SIPA1L2: variants seen among roughly 807,000 people sequenced by gnomAD.
SIPA1L2 encodes the protein signal-induced proliferation-associated 1-like protein 2.
In SIPA1L2, 56 loss-of-function variants were observed where a neutral mutation model predicts 163.9. The ratio of observed to expected loss-of-function variants is 0.34; its 90% CI spans 0.28 to 0.43. The LOEUF (loss-of-function observed/expected upper bound fraction) is 0.43, where lower values mean the gene tolerates loss of function less well. Ranked by LOEUF, SIPA1L2 falls within the 20% of genes least tolerant of loss-of-function variation. SIPA1L2 has a pLI of 1.00. For missense variants in SIPA1L2, 1,974 were observed against 2,193.5 expected (o/e 0.90, Z 2.00); for synonymous variants, 877 against 865.7 (o/e 1.01, Z -0.23).
At chr1:232,621,745 T>C (rs1558310493) in intron 1 of SIPA1L2, among the ~76,000 whole-genome samples, 1 of 152,166 alleles carries the variant, frequency 6.6e-6, no homozygotes, top group Non-Finnish European at 1.5e-5. Flanking sequence ...CATTTTTTTT[T>C]TTTTGTGACA....
At chr1:232,476,966 C>G (rs906453130) in intron 7 of SIPA1L2, among the ~76,000 whole-genome samples, 1 of 152,104 alleles carries the variant, frequency 6.6e-6, no homozygotes, top group Non-Finnish European at 1.5e-5. Context: ...ACTCATGAAC[C>G]CAGCTGGTCA....
chr1:232,439,116 A>G lies in SIPA1L2; in HGVS notation c.4023T>C (p.Ser1341=), dbSNP rs773856688. 5 of 1,603,768 alleles carry G rather than the reference A, an allele frequency of 3.1e-6. No homozygotes were observed. The South Asian group carries it at 5.5e-5, about 18-fold the overall frequency. ...AGTGCTGTGGGGCTTACCTGGAATG[A>G]GAGGATATCTCACTGAGATCGCCCA... is the stretch of plus-strand genomic sequence containing the variant. The part of the protein sequence containing the change: ...GSMGDLSEIS[S]HSSGSHHSGS... The change falls in exon 15 of 23, where the codon TCT becomes TCC. Residue 1341 remains serine (S), a synonymous_variant. Transcript: ENST00000674635.
At chr1:232,590,305 AAAAGG>A (rs1262058416) in intron 1 of SIPA1L2, among the ~76,000 whole-genome samples, 1 of 152,222 alleles carries the variant, frequency 6.6e-6, no homozygotes, top group East Asian at 1.9e-4. Flanking sequence ...TTATTTCTCT[AAAAGG>A]TGTGTGTCAC....
At chr1:232,561,168 G>A (rs1019513340) in intron 2 of SIPA1L2, among the ~76,000 whole-genome samples, 1 of 152,212 alleles carries the variant, frequency 6.6e-6, no homozygotes, top group Non-Finnish European at 1.5e-5. Flanking sequence ...GTCAAACAAT[G>A]TGAATTCCTA....
intron 22 of SIPA1L2, among the ~76,000 whole-genome samples, chr1:232,401,837 C>T (rs1330065636): frequency 3.9e-5 from 6 of 152,232 alleles, no homozygotes; most frequent in African/African-American, 1.4e-4. Context: ...CTTGCTACCG[C>T]ACCCCATTCC....
rs4233062 is a variant in SIPA1L2, at chr1:232,449,334, T to A, written c.3096-3548A>T. Among the ~76,000 whole-genome samples the A allele has an allele frequency of 8.8e-4, 133 of 151,374 alleles. 2 individuals carry two copies. Among genetic ancestry groups the A allele is most frequent in the Non-Finnish European group, 7.4e-5 (5 of 67,836 alleles). On this transcript the variant is annotated intron_variant, in intron 10 of 22. Transcript: ENST00000674635. ...GAGATTGAGACCATCCTGGCTAACATGGTGAAACCCCGTCTCTACTAAAAA... is the reference window on the plus strand; with the variant it reads ...GAGATTGAGACCATCCTGGCTAACAAGGTGAAACCCCGTCTCTACTAAAAA...
At chr1:232,519,693 T>C (rs1213558635) in intron 2 of SIPA1L2, among the ~76,000 whole-genome samples, 2 of 152,184 alleles carry the variant, frequency 1.3e-5, no homozygotes, top group African/African-American at 4.8e-5. Context: ...AAAAAGGCCA[T>C]GGTATTTTTC....
At chr1:232,527,728 T>C (rs867208205) in intron 2 of SIPA1L2, among the ~76,000 whole-genome samples, 110 of 117,644 alleles carry the variant, frequency 9.4e-4, no homozygotes, top group African/African-American at 4.3e-3. Context: ...TCTTCTTCTT[T>C]TTTTTTTTTT....
At chr1:232,490,599 T>C in intron 5 of SIPA1L2, 1 of 329,154 alleles carries the variant, frequency 3.0e-6, no homozygotes, top group Non-Finnish European at 5.5e-6. Flanking sequence ...TTGACTTCTA[T>C]TAATCATGCA....
chr1:232,446,491 C>A, intron 10 of SIPA1L2, among the ~76,000 whole-genome samples: 1 of 152,196 alleles, frequency 6.6e-6, no homozygotes, highest in East Asian at 1.9e-4. Context: ...ACATGCAGTT[C>A]ATTATGCATC....
intron 1 of SIPA1L2, among the ~76,000 whole-genome samples, chr1:232,621,593 C>T (rs1328779157): frequency 6.6e-6 from 1 of 152,150 alleles, no homozygotes; most frequent in African/African-American, 2.4e-5. Context: ...ATAAGGTTCT[C>T]GTTAAGTATA....
intron 6 of SIPA1L2, 111 bp from the exon 7 acceptor site, chr1:232,479,841 C>A: frequency 1.2e-6 from 1 of 817,422 alleles, no homozygotes; most frequent in South Asian, 1.6e-5. Flanking sequence ...CCAAGCTCTA[C>A]CCAACCAGTA....
intron 2 of SIPA1L2, among the ~76,000 whole-genome samples, chr1:232,560,863 G>A (rs1445105132): frequency 6.6e-6 from 1 of 152,088 alleles, no homozygotes; most frequent in African/African-American, 2.4e-5. Flanking sequence ...TAAAGATACT[G>A]GATTTTAAGA....
chr1:232,557,863 C>T (rs1658803692), intron 2 of SIPA1L2, among the ~76,000 whole-genome samples: 2 of 152,216 alleles, frequency 1.3e-5, no homozygotes, highest in Admixed American at 1.3e-4. Flanking sequence ...GAAGTGTCAA[C>T]AGGCTGAACA....
chr1:232,416,629 T>C (rs1223434744), intron 18 of SIPA1L2, among the ~76,000 whole-genome samples: 3 of 152,176 alleles, frequency 2.0e-5, no homozygotes. Flanking sequence ...ACCACAAACT[T>C]GAGATGCCTC....
At chr1:232,627,578 C>G (rs1663147004) in intron 1 of SIPA1L2, among the ~76,000 whole-genome samples, 1 of 151,876 alleles carries the variant, frequency 6.6e-6, no homozygotes, top group African/African-American at 2.4e-5. Flanking sequence ...GCTTTAACTA[C>G]AGTAAGCATC....
At chr1:232,474,469 A>C (rs1664939398) in intron 7 of SIPA1L2, among the ~76,000 whole-genome samples, 1 of 152,216 alleles carries the variant, frequency 6.6e-6, no homozygotes, top group African/African-American at 2.4e-5. Context: ...TTCCTTAAAC[A>C]AACCAGTATC....
intron 1 of SIPA1L2, among the ~76,000 whole-genome samples, chr1:232,622,976 G>A (rs1466603540): frequency 2.0e-5 from 3 of 152,182 alleles, no homozygotes; most frequent in Admixed American, 6.5e-5. Context: ...AACCACCTAA[G>A]TGCAGGGAAT....
chr1:232,479,624 T>G lies in SIPA1L2; in HGVS notation c.2085+3A>C. On this transcript the variant is annotated splice_donor_region_variant and intron_variant, in intron 7 of 22. Coordinates refer to ENST00000674635, the MANE Select transcript of SIPA1L2 (RefSeq NM_020808.5). ...AAAAAGCTCCAGGCTGGGGAGGACATACCTGTTGTCTGTTGTTGGGCATGT... is the reference window on the plus strand; with the variant it reads ...AAAAAGCTCCAGGCTGGGGAGGACAGACCTGTTGTCTGTTGTTGGGCATGT... The G allele has an allele frequency of 6.2e-7, 1 of 1,612,470 alleles. No homozygotes were observed. Among genetic ancestry groups the G allele is most frequent in the South Asian group, 1.1e-5 (1 of 91,064 alleles).
Sources: allele counts gnomAD v4.1 joint callset (sites outside exome capture counted in the v4.1 genomes callset), GRCh38; gene constraint gnomAD v4.1.1; transcripts MANE v1.5; gene names NCBI Gene and HGNC (gene_info 2026-07-23, HGNC 2026-07-21).